Variants in MGME1 observed in about 807,000 individuals in gnomAD.
MGME1 encodes the protein mitochondrial genome maintenance exonuclease 1, also known as chromosome 20 open reading frame 72.
In MGME1, 22 loss-of-function variants were observed where a neutral mutation model predicts 33.0. The ratio of observed to expected loss-of-function variants is 0.67; its 90% CI spans 0.48 to 0.95. The LOEUF is 0.95. MGME1 is among the 40% of genes least tolerant of loss of function. The pLI is 0.00. For missense variants in MGME1, 383 were observed against 397.8 expected (o/e 0.96, Z 0.32); for synonymous variants, 133 against 144.0 (o/e 0.92, Z 0.55).
intron 2 of MGME1, among the ~76,000 whole-genome samples, chr20:17,975,026 A>G (rs909404129): frequency 1.3e-5 from 2 of 152,098 alleles, no homozygotes; most frequent in African/African-American, 2.4e-5. Context: ...TTTTTATTTT[A>G]TCACAGCCAG....
At chr20:17,988,347 A>G in intron 4 of MGME1, 49 bp downstream of exon 4, 1 of 1,593,492 alleles carries the variant, frequency 6.3e-7, no homozygotes, top group South Asian at 1.1e-5. Flanking sequence ...GCTTACTTAA[A>G]ACTATAACTC....
At position 17,972,725 on chromosome 20, in the gene MGME1, A is replaced by G. The variant is rs965961198; in HGVS notation, c.511+2355A>G. The G allele has an allele frequency of 1.0e-5, 10 of 985,394 alleles. No individual in the cohort carries two copies. The Admixed American group carries it at 5.5e-4, about 54-fold the overall frequency. The allele number at this position is 985,394 out of a possible 1,614,324, so 61.0% of individuals were successfully genotyped here. A position where few individuals can be genotyped will look rare whatever the true frequency, so the allele number is the denominator to read the frequency against. On this transcript the variant is annotated intron_variant, in intron 2 of 4. Coordinates refer to ENST00000377710, the MANE Select transcript of MGME1 (RefSeq NM_052865.4). ...AATCTAGGTTTTCATGTTTGTGATC[A>G]TGTGTATATGAAGAACCTAGCCAGG... is the stretch of plus-strand genomic sequence containing the variant.
chr20:17,986,461 C>T (rs751516641), intron 3 of MGME1, among the ~76,000 whole-genome samples: 8 of 151,266 alleles, frequency 5.3e-5, no homozygotes, highest in Non-Finnish European at 1.2e-4. Context: ...CTGCAAACTC[C>T]ACCTCCTGGG....
chr20:17,988,790 T>C (rs965125686), intron 4 of MGME1, among the ~76,000 whole-genome samples: 2 of 152,086 alleles, frequency 1.3e-5, no homozygotes, highest in South Asian at 4.1e-4. Flanking sequence ...ACGTCTTCCT[T>C]GTTCCTTTCC....
chr20:17,973,120 G>A (rs555229249), intron 2 of MGME1, among the ~76,000 whole-genome samples: 14 of 151,774 alleles, frequency 9.2e-5, no homozygotes, highest in African/African-American at 1.2e-4. Flanking sequence ...CGAAGCAGGC[G>A]GATCACTTGA....
chr20:17,978,069 G>GTTAT (rs1433398210), intron 3 of MGME1, among the ~76,000 whole-genome samples: 5 of 151,688 alleles, frequency 3.3e-5, no homozygotes, highest in East Asian at 3.8e-4. Context: ...TTTTTTTTTG[G>GTTAT]TTATTTATTT....
chr20:17,988,336 T>C (rs753471163), intron 4 of MGME1, 38 bp downstream of exon 4: 5 of 1,600,614 alleles, frequency 3.1e-6, no homozygotes, highest in Non-Finnish European at 4.3e-6. Flanking sequence ...CTTTGCTCAA[T>C]GCTTACTTAA....
chr20:17,975,156 C>G (rs572908881), intron 2 of MGME1, among the ~76,000 whole-genome samples: 1 of 152,122 alleles, frequency 6.6e-6, no homozygotes. Flanking sequence ...AATTTTAATT[C>G]ATTTTATTAC....
At chr20:17,973,390 G>A (rs2035777726) in intron 2 of MGME1, among the ~76,000 whole-genome samples, 2 of 152,118 alleles carry the variant, frequency 1.3e-5, no homozygotes, top group Admixed American at 1.3e-4. Flanking sequence ...GCTCATGCCT[G>A]TAATCCCAGC....
At chr20:17,972,606 A>T in intron 2 of MGME1, 1 of 926,628 alleles carries the variant, frequency 1.1e-6, no homozygotes, top group Non-Finnish European at 1.3e-6. Flanking sequence ...AGCAGACTTG[A>T]TGCTACATGC....
intron 4 of MGME1, 85 bp from the exon 5 acceptor site, chr20:17,989,854 G>A: frequency 8.0e-7 from 1 of 1,251,568 alleles, no homozygotes; most frequent in Non-Finnish European, 1.1e-6. Flanking sequence ...ATTTTATACT[G>A]AGTTTGCCCT....
At position 17,991,058 on chromosome 20, in the gene MGME1, T is replaced by C. The variant is rs2036287221; in HGVS notation, c.*949T>C. On this transcript the variant is annotated 3_prime_UTR_variant, in exon 5 of 5. Transcript: ENST00000377710. The stretch of plus-strand genomic sequence containing the variant: ...CAGTTGCTGCCTTAAAATAGTAGCC[T>C]GCTACAATGACTTCTTTGGGTAGCC... 6.6e-6 allele frequency: 1 copy of C among 152,216 alleles called. No homozygotes were observed. Among genetic ancestry groups the C allele is most frequent in the Non-Finnish European group, 1.5e-5 (1 of 68,034 alleles). The allele number at this position is 152,216 out of a possible 1,614,324, so 9.4% of individuals were successfully genotyped here. A position where few individuals can be genotyped will look rare whatever the true frequency, so the allele number is the denominator to read the frequency against.
chr20:17,972,002 A>C (rs1229534038), intron 2 of MGME1, among the ~76,000 whole-genome samples: 1 of 152,066 alleles, frequency 6.6e-6, no homozygotes, highest in Non-Finnish European at 1.5e-5. Context: ...CTCCCAGAAT[A>C]CTGAGACTAC....
At chr20:17,982,611 A>G (rs1370050934) in intron 3 of MGME1, among the ~76,000 whole-genome samples, 1 of 152,220 alleles carries the variant, frequency 6.6e-6, no homozygotes, top group Non-Finnish European at 1.5e-5. Flanking sequence ...TACCAAGAAT[A>G]TGAGTGAATA....
At chr20:17,989,379 GTCTC>G (rs1203027612) in intron 4 of MGME1, among the ~76,000 whole-genome samples, 3 of 128,792 alleles carry the variant, frequency 2.3e-5, no homozygotes, top group Non-Finnish European at 4.7e-5. Context: ...GAGCAAGACT[GTCTC>G]TCTCCAAATA....
Position 17,990,202 on chromosome 20 carries a change from G to T in MGME1, c.*93G>T. On this transcript the variant is annotated 3_prime_UTR_variant, in exon 5 of 5. Coordinates refer to ENST00000377710, the MANE Select transcript of MGME1 (RefSeq NM_052865.4). ...TCCAGTGTAAAAATGAGGTGCCACT[G>T]GATCTGAGTGCTACACGAACACAAG... 9.6e-7 allele frequency: 1 copy of T among 1,040,676 alleles called. No individual in the cohort carries two copies. Among genetic ancestry groups the T allele is most frequent in the East Asian group, 2.5e-5 (1 of 40,468 alleles). The allele number at this position is 1,040,676 out of a possible 1,614,324, so 64.5% of individuals were successfully genotyped here. A position where few individuals can be genotyped will look rare whatever the true frequency, so the allele number is the denominator to read the frequency against.
upstream of MGME1, chr20:17,968,638 A>G: frequency 4.9e-6 from 3 of 616,410 alleles, no homozygotes; most frequent in Admixed American, 2.4e-5. Flanking sequence ...CCCCCAGAGC[A>G]GCCTCCCAGT....
At position 17,975,717 on chromosome 20, in the gene MGME1, C is replaced by A; in HGVS notation, c.545C>A (p.Ala182Asp). 6.2e-7 allele frequency: 1 copy of A among 1,613,964 alleles called. No individual in the cohort carries two copies. The highest frequency in any genetic ancestry group is 8.5e-7 in the Non-Finnish European group (1 of 1,179,982). ...VFLQGKRFHEALESILSPQET... is the reference protein window; with the variant it reads ...VFLQGKRFHEDLESILSPQET... ...TTACAAGGGAAACGGTTCCACGAAG[C>A]CTTGGAAAGCATACTTTCACCCCAG... Residue 182 changes from alanine (A) to aspartate (D), a missense_variant, in exon 3 of 5, where the codon GCC becomes GAC. Physicochemically the swap from Ala to Asp is moderately radical, Grantham distance 126 (BLOSUM62 -2). Coordinates refer to ENST00000377710, the MANE Select transcript of MGME1 (RefSeq NM_052865.4).
intron 3 of MGME1, among the ~76,000 whole-genome samples, chr20:17,985,600 C>G (rs1181155470): frequency 1.3e-5 from 2 of 152,218 alleles, no homozygotes; most frequent in Non-Finnish European, 2.9e-5. Context: ...ACCGCTCACT[C>G]ACTCAATCAC....
Sources: allele counts gnomAD v4.1 joint callset (sites outside exome capture counted in the v4.1 genomes callset), GRCh38; gene constraint gnomAD v4.1.1; transcripts MANE v1.5; gene names NCBI Gene and HGNC (gene_info 2026-07-23, HGNC 2026-07-21).